Variants in UNC13C observed in about 807,000 individuals in gnomAD.
The protein encoded by UNC13C is unc-13 homolog C.
Under a neutral mutation model 245.4 loss-of-function variants are expected in UNC13C, and 174 were observed. The observed-to-expected ratio is 0.71, with a 90% confidence interval of 0.63 to 0.80. The LOEUF is 0.80. Ranked by LOEUF, UNC13C falls within the 30% of genes least tolerant of loss-of-function variation. UNC13C has a pLI of 0.00. For missense variants in UNC13C, 2,829 were observed against 2,602.9 expected (o/e 1.09, Z -1.89); for synonymous variants, 992 against 895.1 (o/e 1.11, Z -1.93).
At chr15:54,161,466 A>G (rs554752910) in intron 4 of UNC13C, among the ~76,000 whole-genome samples, 2 of 152,168 alleles carry the variant, frequency 1.3e-5, no homozygotes, top group Non-Finnish European at 2.9e-5. Context: ...TAGCTGGCCA[A>G]TTTAAATATT....
chr15:54,166,328 A>C (rs2033160828), intron 4 of UNC13C, among the ~76,000 whole-genome samples: 1 of 152,068 alleles, frequency 6.6e-6, no homozygotes, highest in African/African-American at 2.4e-5. Flanking sequence ...GACATGAAAA[A>C]ATATTACTTA....
chr15:54,412,741 A>T (rs2040441292), intron 18 of UNC13C, among the ~76,000 whole-genome samples: 1 of 152,124 alleles, frequency 6.6e-6, no homozygotes, highest in Admixed American at 6.5e-5. Context: ...TGTCTGTGAA[A>T]AGTCTTATTT....
intron 19 of UNC13C, among the ~76,000 whole-genome samples, chr15:54,466,857 C>T (rs571600219): frequency 1.1e-3 from 162 of 151,742 alleles, no homozygotes; most frequent in African/African-American, 3.7e-3. Context: ...AATGGCTATG[C>T]AAATAAGCAG....
chr15:54,175,865 A>T (rs987940176), intron 4 of UNC13C, among the ~76,000 whole-genome samples: 3 of 152,218 alleles, frequency 2.0e-5, no homozygotes, highest in Non-Finnish European at 4.4e-5. Context: ...AGCAGTGGTT[A>T]TAAAACTGGT....
At chr15:54,345,899 G>A (rs532892197) in intron 17 of UNC13C, among the ~76,000 whole-genome samples, 39 of 152,258 alleles carry the variant, frequency 2.6e-4, no homozygotes, top group Non-Finnish European at 3.7e-4. Flanking sequence ...ACTCCATGGT[G>A]ACTTTGCCTG....
At chr15:54,218,243 A>C (rs1318378305) in intron 4 of UNC13C, among the ~76,000 whole-genome samples, 1 of 151,980 alleles carries the variant, frequency 6.6e-6, no homozygotes, top group Admixed American at 6.6e-5. Flanking sequence ...TGCTGGCAAC[A>C]CATTTGAGGG....
chr15:54,613,568 G>C (rs1325893141), intron 30 of UNC13C, among the ~76,000 whole-genome samples: 9 of 151,856 alleles, frequency 5.9e-5, no homozygotes, highest in Non-Finnish European at 1.2e-4. Context: ...CATAAACCGA[G>C]TATAAAGACA....
intron 4 of UNC13C, among the ~76,000 whole-genome samples, chr15:54,205,409 CA>C (rs1398242898): frequency 6.6e-6 from 1 of 151,952 alleles, no homozygotes; most frequent in Non-Finnish European, 1.5e-5. Context: ...GCTCATTAAG[CA>C]ATTCTTCAAC....
At chr15:54,235,956 T>C (rs1165545927) in intron 5 of UNC13C, among the ~76,000 whole-genome samples, 1 of 152,030 alleles carries the variant, frequency 6.6e-6, no homozygotes, top group African/African-American at 2.4e-5. Flanking sequence ...GTTTCCTATA[T>C]TGAAATATGC....
chr15:54,300,151 T>C lies in UNC13C; in HGVS notation c.4105-59T>C, dbSNP rs2037538127. 1.3e-5 allele frequency: 19 copies of C among 1,495,594 alleles called. No homozygotes were observed. The East Asian group carries it at 4.6e-4, about 36-fold the overall frequency. The allele number at this position is 1,495,594 out of a possible 1,614,324, so 92.6% of individuals were successfully genotyped here. ...AGAGCATTTTACTGGAAGTTTTAGT[T>C]AAATGTTTCTGGCCTATTCTGAGGA... On this transcript the variant is annotated intron_variant, in intron 12 of 32. Transcript: ENST00000260323.
the UNC13C span, among the ~76,000 whole-genome samples, chr15:53,925,685 T>C: frequency 6.6e-6 from 1 of 152,226 alleles, no homozygotes; most frequent in Non-Finnish European, 1.5e-5. Flanking sequence ...AGCTGCCTCA[T>C]TTAATCTGTA....
intron 4 of UNC13C, among the ~76,000 whole-genome samples, chr15:54,184,846 G>A (rs1466745262): frequency 2.0e-5 from 3 of 152,126 alleles, no homozygotes; most frequent in African/African-American, 7.2e-5. Context: ...TTGCCACACC[G>A]ACTTCCACAA....
intron 4 of UNC13C, among the ~76,000 whole-genome samples, chr15:54,198,027 G>T (rs777593754): frequency 2.0e-5 from 3 of 152,106 alleles, no homozygotes; most frequent in Admixed American, 2.0e-4. Flanking sequence ...CTGTGTGGGA[G>T]TGGGGTGAGG....
the UNC13C span, among the ~76,000 whole-genome samples, chr15:53,852,820 C>A: frequency 6.6e-6 from 1 of 151,908 alleles, no homozygotes; most frequent in Non-Finnish European, 1.5e-5. Flanking sequence ...ATTCTGGATT[C>A]TAATACTCCT....
At chr15:54,176,752 T>A (rs1046048973) in intron 4 of UNC13C, among the ~76,000 whole-genome samples, 13 of 152,140 alleles carry the variant, frequency 8.5e-5, no homozygotes, top group African/African-American at 2.4e-5. Flanking sequence ...GGTTTAATAT[T>A]TGAAGACTAA....
intron 29 of UNC13C, among the ~76,000 whole-genome samples, chr15:54,558,872 T>A (rs1039352824): frequency 6.6e-6 from 1 of 152,044 alleles, no homozygotes; most frequent in African/African-American, 2.4e-5. Flanking sequence ...AGGGAAACTT[T>A]AAAGGCGTTC....
chr15:54,250,636 TG>T (rs536654473), intron 8 of UNC13C, among the ~76,000 whole-genome samples, 192 bp downstream of exon 8: 93 of 152,124 alleles, frequency 6.1e-4, no homozygotes, highest in Middle Eastern at 3.5e-3. Flanking sequence ...TGGAGCTAGG[TG>T]CTATTAGAAT....
chr15:54,197,250 G>T (rs1441394603), intron 4 of UNC13C, among the ~76,000 whole-genome samples: 1 of 152,080 alleles, frequency 6.6e-6, no homozygotes, highest in African/African-American at 2.4e-5. Flanking sequence ...GCCAAGGCAG[G>T]AAGATCACCT....
At chr15:54,158,513 A>G (rs2032845296) in intron 4 of UNC13C, among the ~76,000 whole-genome samples, 1 of 151,746 alleles carries the variant, frequency 6.6e-6, no homozygotes, top group African/African-American at 2.4e-5. Flanking sequence ...TAGAGACGGG[A>G]TTTCACTATG....
Sources: gnomAD v4.1 joint callset for allele counts (sites outside exome capture counted in the v4.1 genomes callset) on GRCh38, gnomAD v4.1.1 for gene constraint, MANE v1.5 for transcripts, NCBI Gene and HGNC (gene_info 2026-07-23, HGNC 2026-07-21) for gene names.